The following SORBS2 variants were observed in gnomAD, a reference collection of about 807,000 sequenced individuals.
SORBS2 encodes sorbin and SH3 domain-containing protein 2.
Under a neutral mutation model 97.7 loss-of-function variants are expected in SORBS2, and 46 were observed. That is an observed-to-expected ratio of 0.47 (90% confidence interval 0.37 to 0.60). The LOEUF is 0.60. Ranked by LOEUF, SORBS2 falls within the 20% of genes least tolerant of loss-of-function variation. The pLI, the probability that SORBS2 is intolerant of heterozygous loss-of-function variation, is 0.00. For synonymous variants in SORBS2, 476 were observed against 473.4 expected (o/e 1.01, Z -0.07); for missense variants, 1,316 against 1,282.3 (o/e 1.03, Z -0.40).
In SORBS2 at chr4:185,851,646, G is replaced by T. The variant is rs112632710; in HGVS notation, c.-337-76280C>A. On this transcript the variant is annotated intron_variant, in intron 1 of 20. Coordinates refer to the SORBS2 transcript ENST00000284776. The stretch of plus-strand genomic sequence containing the variant: ...AAAGGAGATTAACATTTGAGTCAGT[G>T]GGCTGGGAAGGCAGACCCACCCTTA... 8.5e-5 allele frequency among the ~76,000 whole-genome samples: 13 copies of T among 152,240 alleles called. 1 individual carries two copies. Among genetic ancestry groups the T allele is most frequent in the African/African-American group, 3.1e-4 (13 of 41,540 alleles).
intron 1 of SORBS2, chr4:185,775,896 T>C (rs1424165478): frequency 6.6e-6 from 1 of 152,218 alleles, no homozygotes; most frequent in Admixed American, 6.5e-5. Flanking sequence ...TCATCAACTA[T>C]GCTATTTTTG....
chr4:185,646,713 A>T, exon 4 of SORBS2: 1 of 1,613,914 alleles, frequency 6.2e-7, no homozygotes. Context: ...GTTCATATTC[A>T]AAAATACTCC....
chr4:185,714,014 G>T (rs1421694868), intron 2 of SORBS2, among the ~76,000 whole-genome samples: 1 of 152,192 alleles, frequency 6.6e-6, no homozygotes, highest in African/African-American at 2.4e-5. Flanking sequence ...CTAGAAATGG[G>T]ATGGAACAGC....
At chr4:185,749,929 C>T (rs749398460) in intron 2 of SORBS2, among the ~76,000 whole-genome samples, 2 of 152,212 alleles carry the variant, frequency 1.3e-5, no homozygotes, top group Non-Finnish European at 2.9e-5. Flanking sequence ...GGGGCTATGG[C>T]TTCATTTTCC....
chr4:185,721,248 T>C (rs4861678), intron 2 of SORBS2, among the ~76,000 whole-genome samples: 122,640 of 151,878 alleles, frequency 0.81, 50,180 homozygotes, highest in Non-Finnish European at 0.89. Context: ...ATAATTTTTG[T>C]ATTTTTAGTA....
chr4:185,904,533 G>T (rs914705002), intron 1 of SORBS2, among the ~76,000 whole-genome samples: 1 of 152,136 alleles, frequency 6.6e-6, no homozygotes, highest in Non-Finnish European at 1.5e-5. Flanking sequence ...TCTCAAAGGC[G>T]GTTAGGAACA....
At chr4:185,754,496 C>T (rs2098819495) in intron 2 of SORBS2, among the ~76,000 whole-genome samples, 1 of 152,074 alleles carries the variant, frequency 6.6e-6, no homozygotes, top group African/African-American at 2.4e-5. Flanking sequence ...ATAATAAAAA[C>T]AGAAAGTTTA....
Position 185,614,825 on chromosome 4 carries a change from G to C in SORBS2, c.2595+6C>G. ...AAACAAACAAACAAAAAACCAGCTG[G>C]GCTACCTTTCTCAGTGACAGCTCCA... On this transcript the variant is annotated splice_donor_region_variant and intron_variant, in intron 11 of 14. Transcript: ENST00000418609. 6.2e-7 allele frequency: 1 copy of C among 1,613,708 alleles called. No individual in the cohort carries two copies. The highest frequency in any genetic ancestry group is 1.7e-5 in the Admixed American group (1 of 59,996).
At chr4:185,861,933 T>C (rs1004918408) in intron 1 of SORBS2, among the ~76,000 whole-genome samples, 1 of 152,100 alleles carries the variant, frequency 6.6e-6, no homozygotes, top group African/African-American at 2.4e-5. Context: ...TTGCCTGCTG[T>C]GTGGATACTT....
chr4:185,648,824 T>C (rs559858628), intron 3 of SORBS2, among the ~76,000 whole-genome samples: 1 of 152,264 alleles, frequency 6.6e-6, no homozygotes, highest in South Asian at 2.1e-4. Context: ...TCAAATGATA[T>C]GACACAGAAA....
At chr4:185,708,358 G>A (rs772748467) in intron 2 of SORBS2, among the ~76,000 whole-genome samples, 43 of 152,276 alleles carry the variant, frequency 2.8e-4, no homozygotes, top group Middle Eastern at 3.4e-3. Context: ...ATAAAGACAG[G>A]GAGCACAACC....
At chr4:185,693,347 G>A (rs2098126480) in intron 2 of SORBS2, among the ~76,000 whole-genome samples, 1 of 152,156 alleles carries the variant, frequency 6.6e-6, no homozygotes, top group Non-Finnish European at 1.5e-5. Flanking sequence ...GGATACCGAT[G>A]AAGTCAGGGA....
rs148468894 is a variant in SORBS2 at position 185,639,510 on chromosome 4, T to G, written c.396+7158A>C. On this transcript the variant is annotated intron_variant, in intron 4 of 14. Coordinates refer to ENST00000418609, the Ensembl canonical transcript of SORBS2. ...CTAGTAATAGAAAACAGATGTAGAG[T>G]GTTTACCTTACCCAGCAGTGTCCTT... is the stretch of plus-strand genomic sequence containing the variant. Among the ~76,000 whole-genome samples, 718 of 152,140 alleles carry G rather than the reference T, an allele frequency of 4.7e-3. 5 individuals are homozygous for G. Among genetic ancestry groups the G allele is most frequent in the African/African-American group, 0.017 (688 of 41,494 alleles).
intron 12 of SORBS2, among the ~76,000 whole-genome samples, chr4:185,601,885 A>G (rs560376120): frequency 6.6e-6 from 1 of 152,284 alleles, no homozygotes; most frequent in Admixed American, 6.5e-5. Flanking sequence ...TACTTGGAAG[A>G]AACCTAAAAA....
At chr4:185,895,974 T>C (rs546100537) in intron 1 of SORBS2, among the ~76,000 whole-genome samples, 2 of 151,862 alleles carry the variant, frequency 1.3e-5, no homozygotes, top group Admixed American at 1.3e-4. Flanking sequence ...GAAAAGGGAG[T>C]GTATGAGAGT....
At chr4:185,703,096 TTTAC>T (rs1227138568) in intron 2 of SORBS2, among the ~76,000 whole-genome samples, 3 of 152,338 alleles carry the variant, frequency 2.0e-5, no homozygotes, top group African/African-American at 7.2e-5. Flanking sequence ...TGTTGTCTGC[TTTAC>T]TTAACTCCAG....
chr4:185,908,281 A>G lies in SORBS2; in HGVS notation c.-338+47915T>C, dbSNP rs1344355179. ...ACTAGTGAACCCATGCAAAGGCTAT[A>G]TATATATATATATATATATATATAT... On this transcript the variant is annotated intron_variant, in intron 1 of 20. Transcript: ENST00000284776. 2.2e-4 allele frequency among the ~76,000 whole-genome samples: 3 copies of G among 13,678 alleles called. No individual in the cohort carries two copies. In the East Asian group the frequency reaches 0.012, roughly 54 times the overall value. The allele number at this position is 13,678 out of a possible 152,430, so 9.0% of individuals were successfully genotyped here.
rs565663110 is a variant in SORBS2, at chr4:185,732,941, A to G, written c.-198+42286T>C. Among the ~76,000 whole-genome samples, 6 of 152,358 alleles carry G rather than the reference A, an allele frequency of 3.9e-5. No individual in the cohort carries two copies. The South Asian group carries it at 1.2e-3, about 32-fold the overall frequency. On this transcript the variant is annotated intron_variant, in intron 2 of 20. Transcript: ENST00000284776. ...GAACATTGCGAGACAATGCAGGCAGAGATGGGTGATGCTGCCATAAGCCAA... is the reference window on the plus strand; with the variant it reads ...GAACATTGCGAGACAATGCAGGCAGGGATGGGTGATGCTGCCATAAGCCAA...
intron 1 of SORBS2, among the ~76,000 whole-genome samples, chr4:185,830,973 T>A (rs929027425): frequency 1.3e-5 from 2 of 152,192 alleles, no homozygotes; most frequent in Non-Finnish European, 2.9e-5. Context: ...TTCTTTTTTA[T>A]TTTTTTAGAC....
Sources: gnomAD v4.1 joint callset for allele counts (sites outside exome capture counted in the v4.1 genomes callset) on GRCh38, gnomAD v4.1.1 for gene constraint, MANE v1.5 for transcripts, NCBI Gene and HGNC (gene_info 2026-07-23, HGNC 2026-07-21) for gene names.